AGBL2: variants seen among roughly 807,000 people sequenced by gnomAD.
AGBL2 encodes the protein AGBL carboxypeptidase 2.
A neutral mutation model predicts 103.0 loss-of-function variants in AGBL2; 87 were observed. The ratio of observed to expected loss-of-function variants is 0.84; its 90% CI spans 0.71 to 1.01. The LOEUF (loss-of-function observed/expected upper bound fraction) is 1.01, where lower values mean the gene tolerates loss of function less well. Ranked by LOEUF, AGBL2 falls within the 50% of genes least tolerant of loss-of-function variation. The pLI, the probability that AGBL2 is intolerant of heterozygous loss-of-function variation, is 0.00. For missense variants in AGBL2, 904 were observed against 1,023.5 expected (o/e 0.88, Z 1.59); for synonymous variants, 335 against 356.7 (o/e 0.94, Z 0.69).
intron 7 of AGBL2, 85 bp downstream of exon 7, chr11:47,704,458 G>A (rs2097510060): frequency 8.1e-7 from 1 of 1,238,190 alleles, no homozygotes; most frequent in African/African-American, 1.5e-5. Context: ...ACTCCAGCCT[G>A]GGAAATAGAG....
At chr11:47,664,238 G>C (rs2097335253) in intron 17 of AGBL2, among the ~76,000 whole-genome samples, 2 of 151,988 alleles carry the variant, frequency 1.3e-5, no homozygotes, top group South Asian at 4.1e-4. Flanking sequence ...ACTAACTATT[G>C]TACCAAAACT....
At chr11:47,683,928 TAAA>T (rs542131374) in intron 11 of AGBL2, among the ~76,000 whole-genome samples, 2 of 129,138 alleles carry the variant, frequency 1.5e-5, no homozygotes, top group African/African-American at 2.9e-5. Flanking sequence ...CTGTCTCTAT[TAAA>T]AAAAAAAAAA....
chr11:47,710,435 G>A lies in AGBL2; in HGVS notation c.174C>T (p.Gly58=). ...RKNNPQCLLN[G]SLGEKDDLIP... is the part of the protein sequence containing the mutation. ...TCAAATCATCTTTTTCCCCAAGAGAGCCATTCAACAGGCATTGAGGGTTAT... is the reference window on the plus strand; with the variant it reads ...TCAAATCATCTTTTTCCCCAAGAGAACCATTCAACAGGCATTGAGGGTTAT... The change falls in exon 4 of 19, where the codon GGC becomes GGT. Residue 58 remains glycine (G), a synonymous_variant. Coordinates refer to ENST00000525123, the MANE Select transcript of AGBL2 (RefSeq NM_024783.4). 1.2e-6 allele frequency: 2 copies of A among 1,614,124 alleles called. No individual in the cohort carries two copies. The highest frequency in any genetic ancestry group is 1.7e-6 in the Non-Finnish European group (2 of 1,180,018).
intron 17 of AGBL2, among the ~76,000 whole-genome samples, chr11:47,666,333 G>A (rs7113438): frequency 2.1e-4 from 32 of 150,746 alleles, no homozygotes; most frequent in Non-Finnish European, 4.0e-4. Context: ...GGTGGAAGTT[G>A]CAGTGAGCTG....
chr11:47,682,207 A>G, intron 11 of AGBL2, 112 bp from the exon 12 acceptor site: 1 of 1,107,366 alleles, frequency 9.0e-7, no homozygotes, highest in Non-Finnish European at 1.3e-6. Flanking sequence ...GTTATTTCCC[A>G]AAGCATGTTC....
At chr11:47,693,215 G>A (rs1041735861) in intron 8 of AGBL2, among the ~76,000 whole-genome samples, 8 of 152,018 alleles carry the variant, frequency 5.3e-5, no homozygotes, top group African/African-American at 1.9e-4. Flanking sequence ...CCAGGCTGGA[G>A]CAGTTGCACA....
At chr11:47,688,873 T>C (rs1190618294) in intron 10 of AGBL2, among the ~76,000 whole-genome samples, 1 of 152,078 alleles carries the variant, frequency 6.6e-6, no homozygotes, top group Non-Finnish European at 1.5e-5. Flanking sequence ...GTAGCTGGGA[T>C]TACAGGCACC....
intron 14 of AGBL2, among the ~76,000 whole-genome samples, chr11:47,669,304 G>T (rs1002589397): frequency 6.6e-6 from 1 of 152,188 alleles, no homozygotes; most frequent in African/African-American, 2.4e-5. Flanking sequence ...TTGTGTTCAA[G>T]CGATCCTCTT....
At chr11:47,665,166 G>A (rs911352221) in intron 17 of AGBL2, among the ~76,000 whole-genome samples, 3 of 151,370 alleles carry the variant, frequency 2.0e-5, no homozygotes, top group African/African-American at 7.3e-5. Context: ...CTGTGACTCA[G>A]CTTCCTGAGT....
At chr11:47,665,114 C>A (rs961303145) in intron 17 of AGBL2, among the ~76,000 whole-genome samples, 4 of 151,358 alleles carry the variant, frequency 2.6e-5, no homozygotes, top group African/African-American at 9.7e-5. Flanking sequence ...TGGGCGCAAT[C>A]TCAGCTCACT....
At chr11:47,707,311 A>G (rs1318429420) in intron 4 of AGBL2, among the ~76,000 whole-genome samples, 1 of 152,240 alleles carries the variant, frequency 6.6e-6, no homozygotes, top group African/African-American at 2.4e-5. Context: ...GTCCATTTTC[A>G]CACTGCTGAA....
At position 47,689,997 on chromosome 11, in the gene AGBL2, C is replaced by T. The variant is rs2097438570; in HGVS notation, c.1631+79G>A. 3 of 1,308,466 alleles carry T rather than the reference C, an allele frequency of 2.3e-6. No individual in the cohort carries two copies. The East Asian group carries it at 7.0e-5, about 30-fold the overall frequency. 81.1% of individuals were successfully genotyped at this position (1,308,466 alleles called of 1,614,324 possible). On this transcript the variant is annotated intron_variant, in intron 10 of 18. Transcript: ENST00000525123. ...CAATTCCTTTAACAACAGAAGAGAC[C>T]TCATACCCCATCAGGTAGGGATATC...
intron 14 of AGBL2, among the ~76,000 whole-genome samples, chr11:47,674,625 A>G (rs1389190928): frequency 6.6e-6 from 1 of 151,384 alleles, no homozygotes; most frequent in East Asian, 1.9e-4. Flanking sequence ...GGAGGCTTAT[A>G]GCCTTATAGG....
At chr11:47,660,936 A>T (rs536027873) in intron 18 of AGBL2, among the ~76,000 whole-genome samples, 1 of 152,346 alleles carries the variant, frequency 6.6e-6, no homozygotes, top group South Asian at 2.1e-4. Flanking sequence ...ACAAAAAAAT[A>T]GAAAAACAAT....
chr11:47,672,889 C>T (rs1312229534), intron 14 of AGBL2, among the ~76,000 whole-genome samples: 3 of 152,152 alleles, frequency 2.0e-5, no homozygotes, highest in East Asian at 3.8e-4. Flanking sequence ...AAGACTTCCA[C>T]GCCAGCTCAG....
chr11:47,661,804 C>T (rs2097328784), intron 18 of AGBL2, among the ~76,000 whole-genome samples: 1 of 151,036 alleles, frequency 6.6e-6, no homozygotes, highest in African/African-American at 2.4e-5. Context: ...GCCCAGGCTG[C>T]AGTGGTGCGA....
At chr11:47,687,900 C>A (rs1215242400) in intron 10 of AGBL2, among the ~76,000 whole-genome samples, 3 of 151,384 alleles carry the variant, frequency 2.0e-5, no homozygotes, top group Non-Finnish European at 2.9e-5. Flanking sequence ...CTCTGCCTCC[C>A]AGGTTCAAGC....
chr11:47,691,985 C>A, intron 9 of AGBL2, 118 bp downstream of exon 9: 2 of 874,712 alleles, frequency 2.3e-6, no homozygotes, highest in Non-Finnish European at 3.3e-6. Flanking sequence ...TTCTTCATAC[C>A]CATAACTATT....
chr11:47,674,226 T>C (rs1598925501), intron 14 of AGBL2, among the ~76,000 whole-genome samples: 1 of 146,526 alleles, frequency 6.8e-6, no homozygotes, highest in African/African-American at 2.5e-5. Flanking sequence ...AGGAGGGGAG[T>C]AAGTTGTAGC....
Sources: gnomAD v4.1 joint callset for allele counts (sites outside exome capture counted in the v4.1 genomes callset) on GRCh38, gnomAD v4.1.1 for gene constraint, MANE v1.5 for transcripts, NCBI Gene and HGNC (gene_info 2026-07-23, HGNC 2026-07-21) for gene names.